Variants in CAMK4 observed in about 807,000 individuals in gnomAD.
CAMK4 encodes the protein calcium/calmodulin dependent protein kinase IV, also known as calcium/calmodulin-dependent protein kinase type IV.
In CAMK4, 22 loss-of-function variants were observed where a neutral mutation model predicts 44.9. That is an observed-to-expected ratio of 0.49 (90% CI 0.35 to 0.70). The LOEUF is 0.70. Among genes scored for constraint, CAMK4 ranks in the 30% least tolerant of loss-of-function variants. The pLI, the probability that CAMK4 is intolerant of heterozygous loss-of-function variation, is 0.01. For missense variants in CAMK4, 498 were observed against 586.8 expected (o/e 0.85, Z 1.56); for synonymous variants, 218 against 215.4 (o/e 1.01, Z -0.11).
At chr5:111,316,958 A>G (rs540519858) in intron 1 of CAMK4, among the ~76,000 whole-genome samples, 1 of 152,232 alleles carries the variant, frequency 6.6e-6, no homozygotes, top group Non-Finnish European at 1.5e-5. Flanking sequence ...ATATATTTTG[A>G]GGATTAAGAG....
At chr5:111,332,831 C>T (rs1365752278) in intron 1 of CAMK4, among the ~76,000 whole-genome samples, 1 of 151,476 alleles carries the variant, frequency 6.6e-6, no homozygotes, top group Non-Finnish European at 1.5e-5. Context: ...AAATTACAAC[C>T]AAATTGTGGA....
chr5:111,339,862 G>A (rs1221452080), intron 1 of CAMK4, among the ~76,000 whole-genome samples: 1 of 151,002 alleles, frequency 6.6e-6, no homozygotes. Context: ...ATGAACACAG[G>A]ATATCTTTTC....
chr5:111,381,200 A>G (rs1397642832), intron 4 of CAMK4, among the ~76,000 whole-genome samples: 1 of 152,134 alleles, frequency 6.6e-6, no homozygotes, highest in Non-Finnish European at 1.5e-5. Context: ...TCCTTAGTGT[A>G]TTAGTTAAGG....
At chr5:111,449,285 C>G in intron 7 of CAMK4, 82 bp downstream of exon 7, 1 of 613,450 alleles carries the variant, frequency 1.6e-6, no homozygotes. Flanking sequence ...TTAAAAATTC[C>G]TAATATTTCT....
rs1169943031 is a variant in CAMK4, at chr5:111,482,061, C to A, written c.829-724C>A. ...ATAGTCTCTGCCTCATATCAGGTCA[C>A]CCCTACTAAGCCCAGGACTGTGGAT... On this transcript the variant is annotated intron_variant, in intron 9 of 10. Transcript: ENST00000282356. The surrounding 1 kb of genome is among the most constrained non-coding windows in gnomAD (Gnocchi z 4.9). The A allele has an allele frequency of 2.6e-5, 4 of 152,102 alleles. No individual in the cohort carries two copies. In the East Asian group the frequency reaches 5.8e-4, roughly 22 times the overall value. The allele number at this position is 152,102 out of a possible 1,614,324, so 9.4% of individuals were successfully genotyped here. A position where few individuals can be genotyped will look rare whatever the true frequency, so the allele number is the denominator to read the frequency against.
chr5:111,280,661 A>G (rs1469846475), intron 1 of CAMK4, among the ~76,000 whole-genome samples: 1 of 152,214 alleles, frequency 6.6e-6, no homozygotes, highest in African/African-American at 2.4e-5. Flanking sequence ...AGGTTTGCTG[A>G]GACACGTGCA....
At chr5:111,365,793 T>C (rs1750771339) in intron 2 of CAMK4, among the ~76,000 whole-genome samples, 1 of 152,034 alleles carries the variant, frequency 6.6e-6, no homozygotes, top group South Asian at 2.1e-4. Flanking sequence ...AACAAGAGGA[T>C]AAAGATAAAT....
At position 111,460,271 on chromosome 5, in the gene CAMK4, C is replaced by CT. The variant is rs369690377; in HGVS notation, c.625+11082dup. Among the ~76,000 whole-genome samples the CT allele has an allele frequency of 3.3e-3, 435 of 131,570 alleles. 16 individuals carry two copies. Among genetic ancestry groups the CT allele is most frequent in the Admixed American group, 5.1e-3 (64 of 12,498 alleles). 86.3% of individuals were successfully genotyped at this position (131,570 alleles called of 152,430 possible). On this transcript the variant is annotated intron_variant, in intron 7 of 10. Transcript: ENST00000282356. ...TTTTCTTTTCTTTTCTTTTCTTTTT[C>CT]TTTTTTTTTTTTTTGAGGCAGAGTC...
At chr5:111,287,027 C>G (rs959952287) in intron 1 of CAMK4, among the ~76,000 whole-genome samples, 2 of 152,162 alleles carry the variant, frequency 1.3e-5, no homozygotes, top group African/African-American at 4.8e-5. Context: ...CACAGGTAAT[C>G]AAATTCCATC....
At chr5:111,454,614 C>T (rs1754350517) in intron 7 of CAMK4, among the ~76,000 whole-genome samples, 2 of 131,222 alleles carry the variant, frequency 1.5e-5, no homozygotes, top group Admixed American at 9.0e-5. Context: ...TTCTCAACAT[C>T]TTGTGGATGA....
chr5:111,479,599 A>G (rs911147609), intron 9 of CAMK4, among the ~76,000 whole-genome samples: 2 of 152,144 alleles, frequency 1.3e-5, no homozygotes, highest in African/African-American at 4.8e-5. Flanking sequence ...AGGTGAAATG[A>G]CTGCTAAGGT....
chr5:111,342,612 G>T (rs1055842169), intron 1 of CAMK4, among the ~76,000 whole-genome samples: 1 of 150,560 alleles, frequency 6.6e-6, no homozygotes, highest in Non-Finnish European at 1.5e-5. Flanking sequence ...AGTTTATAAT[G>T]TTTACATTTA....
At chr5:111,240,133 T>C (rs1472930174) in intron 1 of CAMK4, among the ~76,000 whole-genome samples, 1 of 152,158 alleles carries the variant, frequency 6.6e-6, no homozygotes, top group African/African-American at 2.4e-5. Flanking sequence ...TTAGAAAATA[T>C]TAATCTTTTT....
chr5:111,257,348 G>A (rs750051020), intron 1 of CAMK4, among the ~76,000 whole-genome samples: 2 of 152,198 alleles, frequency 1.3e-5, no homozygotes. Context: ...GACATGAACA[G>A]ACACTTCTGA....
intron 5 of CAMK4, among the ~76,000 whole-genome samples, chr5:111,406,073 T>TG (rs1010840206): frequency 1.3e-5 from 2 of 151,552 alleles, no homozygotes; most frequent in African/African-American, 2.4e-5. Flanking sequence ...CATTCTTTTT[T>TG]TTTTGTCACT....
Position 111,224,403 on chromosome 5 carries a change from G to A in CAMK4, c.-81G>A. On this transcript the variant is annotated 5_prime_UTR_variant, in exon 1 of 11. Coordinates refer to ENST00000282356, the MANE Select transcript of CAMK4 (RefSeq NM_001744.6). The surrounding 1 kb of genome is among the most constrained non-coding windows in gnomAD (Gnocchi z 5.7). ...CCGCCTCTCTCTCGCTCCTGCGTTC[G>A]CAGGCGGCGGCTGGCGGCCGGCTTC... The A allele has an allele frequency of 6.8e-7, 1 of 1,471,756 alleles. No individual in the cohort carries two copies. The highest frequency in any genetic ancestry group is 9.0e-7 in the Non-Finnish European group (1 of 1,115,700). 91.2% of individuals were successfully genotyped at this position (1,471,756 alleles called of 1,614,324 possible).
chr5:111,426,072 T>C (rs1753216089), intron 5 of CAMK4, among the ~76,000 whole-genome samples: 1 of 149,248 alleles, frequency 6.7e-6, no homozygotes, highest in Non-Finnish European at 1.5e-5. Context: ...TGAAAAGCCA[T>C]AACAATTTTT....
In CAMK4 at chr5:111,494,372, C is replaced by CAAT. The variant is rs1377562590; in HGVS notation, c.*9908_*9910dup. 3 of 152,142 alleles carry CAAT rather than the reference C, an allele frequency of 2.0e-5. No individual in the cohort carries two copies. The highest frequency in any genetic ancestry group is 7.2e-5 in the African/African-American group (3 of 41,436). The allele number at this position is 152,142 out of a possible 1,614,324, so 9.4% of individuals were successfully genotyped here. On this transcript the variant is annotated 3_prime_UTR_variant, in exon 11 of 11. Coordinates refer to ENST00000282356, the MANE Select transcript of CAMK4 (RefSeq NM_001744.6). Reference sequence around the variant, plus strand: ...GACTACTTAATACAAAGATATATTACAATATTTTTAGGTAAATGTATTAAG... The same window carrying CAAT: ...GACTACTTAATACAAAGATATATTACAATAATATTTTTAGGTAAATGTATTAAG...
chr5:111,465,601 C>T lies in CAMK4; in HGVS notation c.626-7710C>T, dbSNP rs192484419. Among the ~76,000 whole-genome samples, 11 of 152,186 alleles carry T rather than the reference C, an allele frequency of 7.2e-5. No homozygotes were observed. The South Asian group carries it at 1.2e-3, about 17-fold the overall frequency. On this transcript the variant is annotated intron_variant, in intron 7 of 10. Coordinates refer to ENST00000282356, the MANE Select transcript of CAMK4 (RefSeq NM_001744.6). ...CCTTTATGTGCATGAACTAGGAAACCTAGAGGAGATGCATAAATTCCTGGA... is the reference window on the plus strand; with the variant it reads ...CCTTTATGTGCATGAACTAGGAAACTTAGAGGAGATGCATAAATTCCTGGA...
Sources: gnomAD v4.1 joint callset for allele counts (sites outside exome capture counted in the v4.1 genomes callset) on GRCh38, gnomAD v4.1.1 for gene constraint, Gnocchi (gnomAD v3.1) non-coding constraint, MANE v1.5 for transcripts, NCBI Gene and HGNC (gene_info 2026-07-23, HGNC 2026-07-21) for gene names.